Variants in C16orf74 observed in about 807,000 individuals in gnomAD.
The protein encoded by C16orf74 is calcimembrin.
C16orf74 carries 10 observed loss-of-function variants against 6.5 expected under a neutral mutation model. The ratio of observed to expected loss-of-function variants is 1.54; its 90% CI spans 0.95 to 2.61. C16orf74 has a LOEUF of 2.61. Among genes scored for constraint, C16orf74 ranks in the 30% most tolerant of loss-of-function variants. C16orf74 has a pLI of 0.00. For missense variants in C16orf74, 141 were observed against 105.9 expected (o/e 1.33, Z -1.45); for synonymous variants, 60 against 42.5 (o/e 1.41, Z -1.60).
intron 2 of C16orf74, among the ~76,000 whole-genome samples, chr16:85,721,068 G>T (rs2054078224): frequency 6.6e-6 from 1 of 152,088 alleles, no homozygotes; most frequent in African/African-American, 2.4e-5. Flanking sequence ...CCTAGCCTAG[G>T]CAATAAGAGC....
intron 2 of C16orf74, among the ~76,000 whole-genome samples, chr16:85,724,712 C>T (rs553883141): frequency 9.9e-5 from 15 of 152,206 alleles, no homozygotes; most frequent in South Asian, 2.1e-4. Context: ...CCACCCCGGC[C>T]GGCGGGAGGG....
intron 1 of C16orf74, among the ~76,000 whole-genome samples, chr16:85,741,020 A>G (rs2054301126): frequency 1.3e-5 from 2 of 152,116 alleles, no homozygotes; most frequent in Admixed American, 6.5e-5. Flanking sequence ...GGGCCTCTTC[A>G]TATTCTCACA....
intron 3 of C16orf74, 131 bp downstream of exon 3, chr16:85,710,033 A>C (rs1345200949): frequency 1.4e-6 from 1 of 726,482 alleles, no homozygotes; most frequent in African/African-American, 1.9e-5. Context: ...GTCTGACCAT[A>C]AATGTTTAAC....
chr16:85,733,491 CTG>C (rs1412949855), intron 2 of C16orf74, among the ~76,000 whole-genome samples: 1 of 152,196 alleles, frequency 6.6e-6, no homozygotes, highest in Non-Finnish European at 1.5e-5. Flanking sequence ...TTGCACAACA[CTG>C]TGAACGTGCT....
chr16:85,741,404 G>A (rs1310546963), intron 1 of C16orf74, among the ~76,000 whole-genome samples: 1 of 152,176 alleles, frequency 6.6e-6, no homozygotes, highest in African/African-American at 2.4e-5. Context: ...AAGGCAGGGA[G>A]GGAAGGAGGG....
chr16:85,710,154 A>G lies in C16orf74; in HGVS notation c.172+10T>C. The G allele has an allele frequency of 1.4e-6, 2 of 1,412,522 alleles. No homozygotes were observed. Among genetic ancestry groups the G allele is most frequent in the Non-Finnish European group, 1.8e-6 (2 of 1,086,998 alleles). 87.5% of individuals were successfully genotyped at this position (1,412,522 alleles called of 1,614,324 possible). A position where few individuals can be genotyped will look rare whatever the true frequency, so the allele number is the denominator to read the frequency against. On this transcript the variant is annotated intron_variant, in intron 3 of 3. Transcript: ENST00000284245. ...CCGACCCGGCTTGGCGGTGGAGGGG[A>G]CGGCCTCACCTGTGCTCCCCAAGTC...
chr16:85,748,057 G>A (rs867909509), intron 1 of C16orf74, among the ~76,000 whole-genome samples: 1 of 68,200 alleles, frequency 1.5e-5, no homozygotes, highest in South Asian at 3.4e-4. Context: ...CTGCACTCCA[G>A]CCTGGGTGAC....
At chr16:85,733,480 G>A (rs401577) in intron 2 of C16orf74, among the ~76,000 whole-genome samples, 40,269 of 152,088 alleles carry the variant, frequency 0.26, 5,744 homozygotes, top group Middle Eastern at 0.37. Context: ...TGGGGTGATG[G>A]TTGCACAACA....
chr16:85,726,056 C>T (rs750459398), intron 2 of C16orf74, among the ~76,000 whole-genome samples: 3 of 152,318 alleles, frequency 2.0e-5, no homozygotes, highest in Non-Finnish European at 4.4e-5. Context: ...TTTGCTGTTC[C>T]TTCTGCCTGG....
intron 2 of C16orf74, among the ~76,000 whole-genome samples, chr16:85,713,566 C>A (rs893708829): frequency 2.0e-5 from 3 of 152,218 alleles, no homozygotes; most frequent in African/African-American, 7.2e-5. Flanking sequence ...AGCCACAGCG[C>A]CCAGCCCAGA....
rs1416436589 is a variant in C16orf74 at position 85,730,621 on chromosome 16, ACCAGCCAAGTAACCCCAGT to A, written c.28+4550_28+4568del. 2.4e-5 allele frequency among the ~76,000 whole-genome samples: 3 copies of A among 124,886 alleles called. No homozygotes were observed. The East Asian group carries it at 7.9e-4, about 33-fold the overall frequency. The allele number at this position is 124,886 out of a possible 152,430, so 81.9% of individuals were successfully genotyped here. On this transcript the variant is annotated intron_variant, in intron 2 of 3. Transcript: ENST00000284245. Reference sequence around the variant, plus strand: ...CAGACCAGCCAACTAAACCCCCAAGACCAGCCAAGTAACCCCAGTCCAGCCAACTGAACCCCCAGATTAG... The same window carrying A: ...CAGACCAGCCAACTAAACCCCCAAGACCAGCCAACTGAACCCCCAGATTAG...
intron 1 of C16orf74, among the ~76,000 whole-genome samples, chr16:85,742,297 T>C (rs867681650): frequency 2.0e-5 from 3 of 152,226 alleles, no homozygotes; most frequent in Middle Eastern, 3.4e-3. Context: ...CGCTTGAACC[T>C]GGGAGCCAGA....
chr16:85,737,065 G>C (rs2054253040), intron 1 of C16orf74, among the ~76,000 whole-genome samples: 2 of 152,054 alleles, frequency 1.3e-5, no homozygotes, highest in South Asian at 4.2e-4. Context: ...AATGTAAAAA[G>C]GGGTGAGGCA....
chr16:85,710,569 G>A (rs2152057461), intron 2 of C16orf74: 1 of 436,734 alleles, frequency 2.3e-6, no homozygotes, highest in East Asian at 4.5e-5. Context: ...GTTGGCCTCT[G>A]GGTCCAGTTG....
chr16:85,710,066 G>T, intron 3 of C16orf74, 98 bp downstream of exon 3: 3 of 1,054,680 alleles, frequency 2.8e-6, no homozygotes, highest in Non-Finnish European at 3.8e-6. Context: ...AGGTGGGGAC[G>T]CAAGCTAGGC....
intron 2 of C16orf74, among the ~76,000 whole-genome samples, chr16:85,730,341 C>A (rs997780705): frequency 6.6e-6 from 1 of 152,166 alleles, no homozygotes; most frequent in African/African-American, 2.4e-5. Flanking sequence ...GTCACTTCCT[C>A]TCCTTGGTCC....
At chr16:85,745,257 C>A (rs2054360826) in intron 1 of C16orf74, among the ~76,000 whole-genome samples, 1 of 151,854 alleles carries the variant, frequency 6.6e-6, no homozygotes. Context: ...CGGCAGAGGT[C>A]CACCCCCTCC....
rs2054370492 is a variant in C16orf74 at position 85,746,101 on chromosome 16, C to G, written c.-19+4825G>C. On this transcript the variant is annotated intron_variant, in intron 1 of 3. Coordinates refer to ENST00000284245, the MANE Select transcript of C16orf74 (RefSeq NM_206967.3). ...GTGGCTCATTCCTGTCATCCCAGCA[C>G]TTTGGGAGGATGAGGCGGCAGGCAG... is the stretch of plus-strand genomic sequence containing the variant. Among the ~76,000 whole-genome samples, 3 of 152,108 alleles carry G rather than the reference C, an allele frequency of 2.0e-5. No individual in the cohort carries two copies. The South Asian group carries it at 6.2e-4, about 32-fold the overall frequency.
At position 85,707,880 on chromosome 16, in the gene C16orf74, C is replaced by G. The variant is rs567059798; in HGVS notation, c.*128G>C. On this transcript the variant is annotated 3_prime_UTR_variant, in exon 4 of 4. Transcript: ENST00000284245. ...GCTGGTCCTGCCACGTCTCTCTGAG[C>G]GGAGGCCCGGGTTCGCTCAGTTCCC... is the stretch of plus-strand genomic sequence containing the variant. 1 of 721,676 alleles carries G rather than the reference C, an allele frequency of 1.4e-6. No homozygotes were observed. The highest frequency in any genetic ancestry group is 1.8e-5 in the African/African-American group (1 of 56,652). 44.7% of individuals were successfully genotyped at this position (721,676 alleles called of 1,614,324 possible).
Sources: allele counts gnomAD v4.1 joint callset (sites outside exome capture counted in the v4.1 genomes callset), GRCh38; gene constraint gnomAD v4.1.1; transcripts MANE v1.5; gene names NCBI Gene and HGNC (gene_info 2026-07-23, HGNC 2026-07-21).